Variants in MMP11 observed in about 807,000 individuals in gnomAD.
MMP11 encodes the protein stromelysin-3.
In MMP11, 26 loss-of-function variants were observed where a neutral mutation model predicts 49.5. That is an observed-to-expected ratio of 0.52 (90% CI 0.38 to 0.73). The LOEUF (loss-of-function observed/expected upper bound fraction) is 0.73, where lower values mean the gene tolerates loss of function less well. MMP11 is among the 30% of genes least tolerant of loss of function. MMP11 has a pLI of 0.00. For synonymous variants in MMP11, 265 were observed against 282.3 expected (o/e 0.94, Z 0.62); for missense variants, 624 against 671.2 (o/e 0.93, Z 0.78).
In MMP11 at chr22:23,781,250, G is replaced by A. The variant is rs924059058; in HGVS notation, c.916G>A (p.Gly306Ser). Residue 306 changes from glycine to serine, a missense_variant, in exon 6 of 8, where the codon GGC becomes AGC. Gly to Ser is a moderately conservative substitution (Grantham distance 56, BLOSUM62 0). Transcript: ENST00000215743. ...CTTTGACGCGGTCTCCACCATCCGA[G>A]GCGAGCTCTTTTTCTTCAAAGCGGG... ...ASFDAVSTIR[G>S]ELFFFKAGFV... The A allele has an allele frequency of 1.2e-6, 2 of 1,611,544 alleles. No individual in the cohort carries two copies. Among genetic ancestry groups the A allele is most frequent in the African/African-American group, 2.7e-5 (2 of 74,950 alleles).
intron 6 of MMP11, chr22:23,781,984 C>G: frequency 1.5e-6 from 1 of 683,284 alleles, no homozygotes; most frequent in East Asian, 2.7e-5. Context: ...CCAGGCAGCC[C>G]TCTACTGATG....
Position 23,780,249 on chromosome 22 carries a change from T to C in MMP11, c.339-110T>C. The C allele has an allele frequency of 2.2e-6, 3 of 1,375,722 alleles. No homozygotes were observed. The highest frequency in any genetic ancestry group is 3.0e-6 in the Non-Finnish European group (3 of 992,264). 85.2% of individuals were successfully genotyped at this position (1,375,722 alleles called of 1,614,324 possible). On this transcript the variant is annotated intron_variant, in intron 2 of 7. Coordinates refer to ENST00000215743, the MANE Select transcript of MMP11 (RefSeq NM_005940.5). The surrounding 1 kb of genome is among the most constrained non-coding windows in gnomAD (Gnocchi z 4.6). Reference sequence around the variant, plus strand: ...GCTGAGGCCCAGAGTACACCTGGCCTGTGTCCTGAGTGTTCACACACCCAC... The same window carrying C: ...GCTGAGGCCCAGAGTACACCTGGCCCGTGTCCTGAGTGTTCACACACCCAC...
rs372204544 is a variant in MMP11 at position 23,779,313 on chromosome 22, C to A, written c.235C>A (p.Arg79Ser). The stretch of plus-strand genomic sequence containing the variant: ...GCCTGCCAGCAGCCTCAGGCCTCCC[C>A]GCTGTGGCGTGCCCGACCCATCTGA... ...PRPASSLRPP[R>S]CGVPDPSDGL... The change falls in exon 2 of 8, where the codon CGC becomes AGC. Residue 79 changes from arginine to serine, a missense_variant. Physicochemically the swap from Arg to Ser is moderately radical, Grantham distance 110. Transcript: ENST00000215743. 1 of 1,612,318 alleles carries A rather than the reference C, an allele frequency of 6.2e-7. No homozygotes were observed. The highest frequency in any genetic ancestry group is 1.3e-5 in the African/African-American group (1 of 74,926).
chr22:23,772,981 G>A lies in MMP11; in HGVS notation c.108+3G>A. On this transcript the variant is annotated splice_donor_region_variant and intron_variant, in intron 1 of 7. Transcript: ENST00000215743. ...TGCTGGCCCGGGCTCTGCCGCCGGTGAGTGCCCGCCACTCGCCGGCCGCTC... is the reference window on the plus strand; with the variant it reads ...TGCTGGCCCGGGCTCTGCCGCCGGTAAGTGCCCGCCACTCGCCGGCCGCTC... The A allele has an allele frequency of 8.3e-7, 1 of 1,198,150 alleles. No individual in the cohort carries two copies. The highest frequency in any genetic ancestry group is 1.0e-6 in the Non-Finnish European group (1 of 964,576). 74.2% of individuals were successfully genotyped at this position (1,198,150 alleles called of 1,614,324 possible).
rs768233341 is a variant in MMP11 at position 23,782,283 on chromosome 22, C to T, written c.1133C>T (p.Thr378Ile). The T allele has an allele frequency of 6.2e-7, 1 of 1,613,848 alleles. No homozygotes were observed. Among genetic ancestry groups the T allele is most frequent in the Non-Finnish European group, 8.5e-7 (1 of 1,180,012 alleles). ...CCAGTCCTGGGCCCCGCACCCCTCA[C>T]CGAGCTGGGCCTGGTGAGGTTCCCG... ...EKPVLGPAPL[T>I]ELGLVRFPVH... The change falls in exon 7 of 8, where the codon ACC becomes ATC. Residue 378 changes from threonine to isoleucine, a missense_variant. Thr to Ile is a moderately conservative substitution (Grantham distance 89). Coordinates refer to ENST00000215743, the MANE Select transcript of MMP11 (RefSeq NM_005940.5).
intron 6 of MMP11, 75 bp from the exon 7 acceptor site, chr22:23,782,151 G>A: frequency 1.3e-6 from 2 of 1,563,700 alleles, no homozygotes; most frequent in Non-Finnish European, 1.7e-6. Context: ...CTGTGGTAGG[G>A]GTCAAGCAGG....
chr22:23,774,936 G>A (rs1054596885), intron 1 of MMP11, among the ~76,000 whole-genome samples: 1 of 152,170 alleles, frequency 6.6e-6, no homozygotes, highest in East Asian at 1.9e-4. Flanking sequence ...TCTAAGCTCT[G>A]CCAGGACACT....
In MMP11 at chr22:23,783,547, A is replaced by G. The variant is rs1465207285; in HGVS notation, c.*3A>G. ...AGCCTGCCAACACTTTCCTCTGACC[A>G]TGGCTTGGATGCCCTCAGGGGTGCT... On this transcript the variant is annotated 3_prime_UTR_variant, in exon 8 of 8. Transcript: ENST00000215743. The G allele has an allele frequency of 3.7e-6, 6 of 1,613,866 alleles. No homozygotes were observed. The African/African-American group carries it at 4.0e-5, about 11-fold the overall frequency.
chr22:23,774,772 C>A (rs1022361450), intron 1 of MMP11, among the ~76,000 whole-genome samples: 2 of 152,144 alleles, frequency 1.3e-5, no homozygotes, highest in African/African-American at 4.8e-5. Flanking sequence ...ACCCACTAGA[C>A]CAACTGCAAA....
chr22:23,784,085 A>C lies in MMP11; in HGVS notation c.*541A>C, dbSNP rs1405711425. The stretch of plus-strand genomic sequence containing the variant: ...CCTGGAAATCTGTTCTCCAGAATCC[A>C]GGCCAAAAAGTTCACAGTCAAATGG... On this transcript the variant is annotated 3_prime_UTR_variant, in exon 8 of 8. Coordinates refer to ENST00000215743, the MANE Select transcript of MMP11 (RefSeq NM_005940.5). 6.3e-6 allele frequency: 1 copy of C among 157,646 alleles called. No homozygotes were observed. The highest frequency in any genetic ancestry group is 1.4e-5 in the Non-Finnish European group (1 of 70,562). 9.8% of individuals were successfully genotyped at this position (157,646 alleles called of 1,614,324 possible).
rs1192165642 is a variant in MMP11 at position 23,782,232 on chromosome 22, A to G, written c.1082A>G (p.Gln361Arg). 3 of 1,611,682 alleles carry G rather than the reference A, an allele frequency of 1.9e-6. No homozygotes were observed. The South Asian group carries it at 3.3e-5, about 18-fold the overall frequency. The change falls in exon 7 of 8, where the codon CAG (glutamine) becomes CGG (arginine). Residue 361 changes from glutamine to arginine, a missense_variant. By Grantham distance (43) the Gln-to-Arg change is conservative. Coordinates refer to ENST00000215743, the MANE Select transcript of MMP11 (RefSeq NM_005940.5). ...AGCCTTCCCTCTCCGGCAGGTGCTCAGTACTGGGTGTACGACGGTGAAAAG... is the reference window on the plus strand; with the variant it reads ...AGCCTTCCCTCTCCGGCAGGTGCTCGGTACTGGGTGTACGACGGTGAAAAG... ...QGHIWFFQGA[Q>R]YWVYDGEKPV...
rs1380211472 is a variant in MMP11, at chr22:23,781,405, C to T, written c.1071C>T (p.Phe357=). The T allele has an allele frequency of 6.3e-7, 1 of 1,598,952 alleles. No homozygotes were observed. The highest frequency in any genetic ancestry group is 8.5e-7 in the Non-Finnish European group (1 of 1,172,586). ...FEDAQGHIWF[F]QGAQYWVYDG... ...ATGCCCAGGGCCACATTTGGTTCTT[C>T]CAAGGTGAGTGGGGGTTGGGGATCT... The change falls in exon 6 of 8, where the codon TTC becomes TTT. Residue 357 remains phenylalanine, a synonymous_variant. Transcript: ENST00000215743.
chr22:23,780,971 G>A lies in MMP11; in HGVS notation c.729G>A (p.Leu243=), dbSNP rs1927600811. 2 of 1,613,776 alleles carry A rather than the reference G, an allele frequency of 1.2e-6. No homozygotes were observed. Among genetic ancestry groups the A allele is most frequent in the Non-Finnish European group, 8.5e-7 (1 of 1,180,016 alleles). Residue 243 remains leucine, a synonymous_variant, in exon 5 of 8, where the codon CTG becomes CTA. Transcript: ENST00000215743. This position sits in a 1 kb window ranked among gnomAD's most constrained non-coding sequence, Gnocchi z 4.6. The part of the protein sequence containing the change: ...MSAFYTFRYP[L]SLSPDDCRGV... ...CCTTCTACACCTTTCGCTACCCACT[G>A]AGTCTCAGCCCAGATGACTGCAGGG...
intron 7 of MMP11, 47 bp downstream of exon 7, chr22:23,782,530 C>CT: frequency 1.9e-6 from 3 of 1,552,780 alleles, no homozygotes; most frequent in Non-Finnish European, 2.6e-6. Context: ...ACAGCAGCCG[C>CT]TTCTCCCACC....
Position 23,782,763 on chromosome 22 carries a change from C to T in MMP11, c.1333+280C>T, listed in dbSNP as rs1190877447. The T allele has an allele frequency of 5.5e-6, 3 of 541,158 alleles. No individual in the cohort carries two copies. In the African/African-American group the frequency reaches 5.7e-5, roughly 10 times the overall value. The allele number at this position is 541,158 out of a possible 1,614,324, so 33.5% of individuals were successfully genotyped here. On this transcript the variant is annotated intron_variant, in intron 7 of 7. Transcript: ENST00000215743. ...CTGTACACTGAGGGCCAACAATGCTCTAAGCTCCTTACTGGTCTCATCCAG... is the reference window on the plus strand; with the variant it reads ...CTGTACACTGAGGGCCAACAATGCTTTAAGCTCCTTACTGGTCTCATCCAG...
chr22:23,780,402 C>T lies in MMP11; in HGVS notation c.382C>T (p.Gln128Ter). The change falls in exon 3 of 8, where the codon CAG (glutamine) becomes TAG (stop). Residue 128 changes from glutamine (Q) to a stop codon, truncating the protein, a stop_gained. Transcript: ENST00000215743. LOFTEE classifies it high-confidence loss of function. This position sits in a 1 kb window ranked among gnomAD's most constrained non-coding sequence, Gnocchi z 4.6. The part of the protein sequence containing the change: ...PWQLVQEQVR[Q>*]TMAEALKVWS... ...GCAGTTGGTGCAGGAGCAGGTGCGG[C>T]AGACGATGGCAGAGGCCCTAAAGGT... is the stretch of plus-strand genomic sequence containing the variant. 6 of 1,613,650 alleles carry T rather than the reference C, an allele frequency of 3.7e-6. No individual in the cohort carries two copies. The South Asian group carries it at 6.6e-5, about 18-fold the overall frequency.
At chr22:23,777,364 G>A (rs1927447570) in intron 1 of MMP11, among the ~76,000 whole-genome samples, 1 of 151,714 alleles carries the variant, frequency 6.6e-6, no homozygotes, top group South Asian at 2.1e-4. Flanking sequence ...TCAGGAGATC[G>A]AGACCATCCT....
Position 23,772,874 on chromosome 22 carries a change from G to C in MMP11, c.4G>C (p.Ala2Pro). ...AAGCCCAGCAGCCCCGGGGCGGATG[G>C]CTCCGGCCGCCTGGCTCCGCAGCGC... is the stretch of plus-strand genomic sequence containing the variant. M[A>P]PAAWLRSAAA... The change falls in exon 1 of 8, where the codon GCT (alanine) becomes CCT (proline). Residue 2 changes from alanine (A) to proline (P), a missense_variant. Ala to Pro is a conservative substitution (Grantham distance 27, BLOSUM62 -1). Transcript: ENST00000215743. 1 of 1,157,952 alleles carries C rather than the reference G, an allele frequency of 8.6e-7. No homozygotes were observed. Among genetic ancestry groups the C allele is most frequent in the Non-Finnish European group, 1.1e-6 (1 of 940,936 alleles). The allele number at this position is 1,157,952 out of a possible 1,614,324, so 71.7% of individuals were successfully genotyped here. A position where few individuals can be genotyped will look rare whatever the true frequency, so the allele number is the denominator to read the frequency against.
In MMP11 at chr22:23,783,722, G is replaced by A. The variant is rs547071598; in HGVS notation, c.*178G>A. 46 of 778,032 alleles carry A rather than the reference G, an allele frequency of 5.9e-5. No individual in the cohort carries two copies. Among genetic ancestry groups the A allele is most frequent in the Non-Finnish European group, 7.8e-5 (38 of 487,790 alleles). 48.2% of individuals were successfully genotyped at this position (778,032 alleles called of 1,614,324 possible). A position where few individuals can be genotyped will look rare whatever the true frequency, so the allele number is the denominator to read the frequency against. On this transcript the variant is annotated 3_prime_UTR_variant, in exon 8 of 8. Transcript: ENST00000215743. ...AACTGCCGGGAGGGCCACGCAGGTC[G>A]TGGTCACCTGCCAGCGACTGTCTCA...
Sources: allele counts gnomAD v4.1 joint callset (sites outside exome capture counted in the v4.1 genomes callset), GRCh38; gene constraint gnomAD v4.1.1; non-coding constraint Gnocchi (gnomAD v3.1); transcripts MANE v1.5; gene names NCBI Gene and HGNC (gene_info 2026-07-23, HGNC 2026-07-21).